The following NFASC variants were observed in gnomAD, a reference collection of about 807,000 sequenced individuals.
NFASC encodes neurofascin.
A neutral mutation model predicts 147.5 loss-of-function variants in NFASC; 43 were observed. The observed-to-expected ratio is 0.29, with a 90% CI of 0.23 to 0.38. The LOEUF is 0.38. Among genes scored for constraint, NFASC ranks in the 10% least tolerant of loss-of-function variants. The pLI is 1.00. For missense variants in NFASC, 1,320 were observed against 1,689.0 expected (o/e 0.78, Z 3.83); for synonymous variants, 622 against 665.5 (o/e 0.93, Z 1.01).
At chr1:204,999,799 T>C (rs1057514284) in intron 25 of NFASC, 12 of 152,216 alleles carry the variant, frequency 7.9e-5, no homozygotes, top group African/African-American at 2.9e-4. Context: ...ACATGTCAAA[T>C]AGATAATGAA....
rs1288970339 is a variant in NFASC, at chr1:204,893,372, T to C, written c.-199-27260T>C. Among the ~76,000 whole-genome samples the C allele has an allele frequency of 3.3e-5, 5 of 152,230 alleles. 1 individual carries two copies. The highest frequency in any genetic ancestry group is 4.1e-4 in the South Asian group (2 of 4,826). On this transcript the variant is annotated intron_variant, in intron 1 of 29. Transcript: ENST00000339876. ...TGAGAAATCAATATGGGAGTCATTA[T>C]TGAGCAGGAGGTGATTGCAACCATT...
chr1:204,828,690 G>C lies in NFASC; in HGVS notation c.-292G>C. ...TCTCTGCCCTAATGCGGCGGCTGGC[G>C]GCGAGAGGCGCTGCAGGGGACGCGG... On this transcript the variant is annotated 5_prime_UTR_variant, in exon 1 of 30. Transcript: ENST00000339876. 1.0e-6 allele frequency: 1 copy of C among 985,356 alleles called. No individual in the cohort carries two copies. The highest frequency in any genetic ancestry group is 1.2e-6 in the Non-Finnish European group (1 of 830,018). 61.0% of individuals were successfully genotyped at this position (985,356 alleles called of 1,614,324 possible).
At chr1:204,931,401 T>C (rs1477649359) in intron 2 of NFASC, among the ~76,000 whole-genome samples, 1 of 152,260 alleles carries the variant, frequency 6.6e-6, no homozygotes, top group Non-Finnish European at 1.5e-5. Flanking sequence ...TAAGCCCTGC[T>C]ACATTTTTTT....
At chr1:204,959,271 C>T (rs895332072) in intron 8 of NFASC, among the ~76,000 whole-genome samples, 1 of 152,184 alleles carries the variant, frequency 6.6e-6, no homozygotes, top group Non-Finnish European at 1.5e-5. Context: ...AGGTGGTAGC[C>T]GGCAGGTTGC....
chr1:204,962,303 G>A lies in NFASC; in HGVS notation c.706+4477G>A, dbSNP rs550561956. Reference sequence around the variant, plus strand: ...AGGTGACACCTCCAGAAGGCTGCCTGCCAGGAGGCAGTGTGGGGGTTTGAG... The same window carrying A: ...AGGTGACACCTCCAGAAGGCTGCCTACCAGGAGGCAGTGTGGGGGTTTGAG... On this transcript the variant is annotated intron_variant, in intron 8 of 29. Coordinates refer to ENST00000339876, the MANE Select transcript of NFASC (RefSeq NM_001005388.3). 101 of 681,412 alleles carry A rather than the reference G, an allele frequency of 1.5e-4. 2 individuals carry two copies. In the South Asian group the frequency reaches 1.8e-3, roughly 12 times the overall value. 42.2% of individuals were successfully genotyped at this position (681,412 alleles called of 1,614,324 possible).
intron 1 of NFASC, among the ~76,000 whole-genome samples, chr1:204,863,613 G>T (rs1166532764): frequency 2.6e-5 from 4 of 152,146 alleles, no homozygotes; most frequent in African/African-American, 9.7e-5. Flanking sequence ...ACTTTGGAAG[G>T]CCGAGGGGGG....
intron 25 of NFASC, chr1:204,998,432 C>T (rs2095895745): frequency 6.6e-6 from 1 of 152,266 alleles, no homozygotes; most frequent in Non-Finnish European, 1.5e-5. Context: ...CTTTCTCCCA[C>T]CCTGCTCCAC....
chr1:204,950,511 GTTC>G (rs748675098), intron 3 of NFASC, 43 bp from the exon 4 acceptor site: 26 of 1,594,626 alleles, frequency 1.6e-5, no homozygotes, highest in South Asian at 2.3e-5. Context: ...GCATAACGAT[GTTC>G]TTCTTTTCTC....
At chr1:204,984,381 GCATATATATATATATATA>G (rs2095568944) in intron 21 of NFASC, 1 of 74,482 alleles carries the variant, frequency 1.3e-5, no homozygotes. Flanking sequence ...ATATATATAC[GCATATATATATATATATA>G]TATATATATA....
At position 205,019,048 on chromosome 1, in the gene NFASC, A is replaced by G. The variant is rs1397152241; in HGVS notation, c.*2509A>G. 1.3e-5 allele frequency: 2 copies of G among 152,242 alleles called. No homozygotes were observed. The highest frequency in any genetic ancestry group is 2.9e-5 in the Non-Finnish European group (2 of 68,114). 9.4% of individuals were successfully genotyped at this position (152,242 alleles called of 1,614,324 possible). A position where few individuals can be genotyped will look rare whatever the true frequency, so the allele number is the denominator to read the frequency against. The stretch of plus-strand genomic sequence containing the variant: ...TGGGTGCTGAGAGCTGCCCCCCATC[A>G]CCACGCCATCACACCCCTCTGAGCA... On this transcript the variant is annotated 3_prime_UTR_variant, in exon 30 of 30. Transcript: ENST00000339876.
At chr1:204,845,087 C>A (rs373347725) in intron 1 of NFASC, among the ~76,000 whole-genome samples, 1 of 152,010 alleles carries the variant, frequency 6.6e-6, no homozygotes, top group Non-Finnish European at 1.5e-5. Context: ...CCTCTGTGCC[C>A]GAGCTGTCTT....
intron 1 of NFASC, among the ~76,000 whole-genome samples, chr1:204,844,748 A>C (rs1023604381): frequency 2.6e-5 from 4 of 152,126 alleles, no homozygotes; most frequent in Non-Finnish European, 4.4e-5. Context: ...ATTTTAAATA[A>C]ACTTGAGAGG....
intron 4 of NFASC, among the ~76,000 whole-genome samples, chr1:204,951,524 G>C (rs935981711): frequency 6.9e-6 from 1 of 144,444 alleles, no homozygotes; most frequent in African/African-American, 2.6e-5. Context: ...GCTGGAGTGC[G>C]GTGGTGCGAT....
At chr1:204,839,362 G>A (rs1022965512) in intron 1 of NFASC, among the ~76,000 whole-genome samples, 3 of 140,780 alleles carry the variant, frequency 2.1e-5, no homozygotes, top group Non-Finnish European at 3.1e-5. Flanking sequence ...AGGCAGGCAC[G>A]TATGAAACAC....
chr1:204,997,368 C>T lies in NFASC; in HGVS notation c.2981C>T (p.Pro994Leu), dbSNP rs1020825507. 2 of 1,554,306 alleles carry T rather than the reference C, an allele frequency of 1.3e-6. No homozygotes were observed. The highest frequency in any genetic ancestry group is 2.0e-5 in the Admixed American group (1 of 51,158). ...TAAATTTTES[P>L]PTTTSGTKIH... ...GCCGCCACCACCACCACGGAGAGTCCTCCCACCACCACCTCCGGGACTAAG... is the reference window on the plus strand; with the variant it reads ...GCCGCCACCACCACCACGGAGAGTCTTCCCACCACCACCTCCGGGACTAAG... The change falls in exon 25 of 30, where the codon CCT (proline) becomes CTT (leucine). Residue 994 changes from proline to leucine, a missense_variant. Coordinates refer to ENST00000339876, the MANE Select transcript of NFASC (RefSeq NM_001005388.3).
At chr1:204,945,085 T>C (rs2093624479) in intron 3 of NFASC, 1 of 152,198 alleles carries the variant, frequency 6.6e-6, no homozygotes, top group Admixed American at 6.5e-5. Context: ...ATCAGAATCA[T>C]AAAGTAAGGG....
At position 204,983,984 on chromosome 1, in the gene NFASC, A is replaced by T. The variant is rs537637347; in HGVS notation, c.2470+1964A>T. 36 of 1,379,698 alleles carry T rather than the reference A, an allele frequency of 2.6e-5. No homozygotes were observed. The South Asian group carries it at 3.9e-4, about 15-fold the overall frequency. The allele number at this position is 1,379,698 out of a possible 1,614,324, so 85.5% of individuals were successfully genotyped here. On this transcript the variant is annotated intron_variant, in intron 21 of 29. Transcript: ENST00000339876. ...GAGAACAAGTCAGAAGCAACTGTAG[A>T]GTCCTGCCTGCATAACCAGCTCTCT...
In NFASC at chr1:204,976,748, G is replaced by A; in HGVS notation, c.1784G>A (p.Ser595Asn). ...CAGGGCAGTTACACGTGTGTCGCCA[G>A]CACCGAGCTAGACCAAGACCTGGCC... ...RDQGSYTCVA[S>N]TELDQDLAKA... Residue 595 changes from serine to asparagine, a missense_variant, in exon 16 of 30, where the codon AGC becomes AAC. Coordinates refer to ENST00000339876, the MANE Select transcript of NFASC (RefSeq NM_001005388.3). 5 of 1,614,088 alleles carry A rather than the reference G, an allele frequency of 3.1e-6. No individual in the cohort carries two copies. Among genetic ancestry groups the A allele is most frequent in the Non-Finnish European group, 4.2e-6 (5 of 1,179,966 alleles).
chr1:205,021,336 A>G lies in NFASC; in HGVS notation c.*4797A>G, dbSNP rs2096399369. On this transcript the variant is annotated 3_prime_UTR_variant, in exon 30 of 30. Transcript: ENST00000339876. ...AAGGAGAACCATCCAGGAGAGCCACAAGCGTCCACCAAACAGTGTCTCAGG... is the reference window on the plus strand; with the variant it reads ...AAGGAGAACCATCCAGGAGAGCCACGAGCGTCCACCAAACAGTGTCTCAGG... 1 of 152,666 alleles carries G rather than the reference A, an allele frequency of 6.6e-6. No homozygotes were observed. Among genetic ancestry groups the G allele is most frequent in the Admixed American group, 6.5e-5 (1 of 15,282 alleles). 9.5% of individuals were successfully genotyped at this position (152,666 alleles called of 1,614,324 possible). A position where few individuals can be genotyped will look rare whatever the true frequency, so the allele number is the denominator to read the frequency against.
Sources: allele counts gnomAD v4.1 joint callset (sites outside exome capture counted in the v4.1 genomes callset), GRCh38; gene constraint gnomAD v4.1.1; transcripts MANE v1.5; gene names NCBI Gene and HGNC (gene_info 2026-07-23, HGNC 2026-07-21).